ALOXE3: variants seen among roughly 807,000 people sequenced by gnomAD.
The protein encoded by ALOXE3 is hydroperoxide isomerase ALOXE3.
In ALOXE3, 78 loss-of-function variants were observed where a neutral mutation model predicts 87.5. The ratio of observed to expected loss-of-function variants is 0.89; its 90% CI spans 0.74 to 1.08. The LOEUF is 1.08. Among genes scored for constraint, ALOXE3 ranks in the 50% least tolerant of loss-of-function variants. The pLI is 0.00. For synonymous variants in ALOXE3, 363 were observed against 370.8 expected (o/e 0.98, Z 0.24); for missense variants, 946 against 912.4 (o/e 1.04, Z -0.47).
chr17:8,106,208 T>C (rs1322652676), intron 13 of ALOXE3, among the ~76,000 whole-genome samples: 3 of 151,700 alleles, frequency 2.0e-5, no homozygotes, highest in Admixed American at 1.3e-4. Flanking sequence ...CCTAACTGGA[T>C]TTAGGAAGAC....
chr17:8,107,954 A>AAAGAAAGG lies in ALOXE3; in HGVS notation c.1684+506_1684+513dup. 4.6e-4 allele frequency among the ~76,000 whole-genome samples: 2 copies of AAAGAAAGG among 4,306 alleles called. 1 individual carries two copies. The highest frequency in any genetic ancestry group is 1.2e-3 in the Non-Finnish European group (2 of 1,628). The allele number at this position is 4,306 out of a possible 152,430, so 2.8% of individuals were successfully genotyped here. A position where few individuals can be genotyped will look rare whatever the true frequency, so the allele number is the denominator to read the frequency against. On this transcript the variant is annotated intron_variant, in intron 13 of 15. Coordinates refer to ENST00000448843, the MANE Select transcript of ALOXE3 (RefSeq NM_021628.3). ...GAAAGAAAGAAAGAAAGAAAGAAAG[A>AAAGAAAGG]AAGAAAGGAAGGAGAGAGAGAGAGA...
chr17:8,103,389 A>C lies in ALOXE3; in HGVS notation c.1890T>G (p.Pro630=). The change falls in exon 15 of 16, where the codon CCT becomes CCG. Residue 630 remains proline, a synonymous_variant. Coordinates refer to ENST00000448843, the MANE Select transcript of ALOXE3 (RefSeq NM_021628.3). ...TTLKTYLDTL[P]EVNISCNNLL... ...GGTTGTTACAGCTGATGTTCACTTC[A>C]GGGAGGGTGTCTAGGTAAGTCTTCA... The C allele has an allele frequency of 6.2e-7, 1 of 1,614,094 alleles. No homozygotes were observed. The highest frequency in any genetic ancestry group is 8.5e-7 in the Non-Finnish European group (1 of 1,179,986).
intron 13 of ALOXE3, among the ~76,000 whole-genome samples, chr17:8,106,652 C>T (rs1454364076): frequency 6.6e-6 from 1 of 152,108 alleles, no homozygotes; most frequent in African/African-American, 2.4e-5. Flanking sequence ...TGAAAGAAAC[C>T]CCATCTCTAC....
chr17:8,096,517 A>T lies in ALOXE3; in HGVS notation c.*110T>A, dbSNP rs190205482. 1.8e-4 allele frequency: 134 copies of T among 748,862 alleles called. 1 individual carries two copies. The East Asian group carries it at 2.7e-3, about 15-fold the overall frequency. The allele number at this position is 748,862 out of a possible 1,614,324, so 46.4% of individuals were successfully genotyped here. On this transcript the variant is annotated 3_prime_UTR_variant, in exon 16 of 16. Transcript: ENST00000448843. ...CAAAAGTCTCCATGTGCAGAAGAGAAGGTTCAGGTGAACTGAGAACAGGGA... is the reference window on the plus strand; with the variant it reads ...CAAAAGTCTCCATGTGCAGAAGAGATGGTTCAGGTGAACTGAGAACAGGGA...
In ALOXE3 at chr17:8,112,145, C is replaced by A. The variant is rs2151841705; in HGVS notation, c.732G>T (p.Lys244Asn). 1 of 1,614,204 alleles carries A rather than the reference C, an allele frequency of 6.2e-7. No homozygotes were observed. The highest frequency in any genetic ancestry group is 8.5e-7 in the Non-Finnish European group (1 of 1,180,042). Residue 244 changes from lysine to asparagine, a missense_variant, in exon 7 of 16, where the codon AAG (lysine) becomes AAT (asparagine). Lys to Asn is a moderately conservative substitution (Grantham distance 94). Transcript: ENST00000448843. ...RGLLDRKGSW[K>N]KLDDMQNIFW... ...AGATGTTCTGCATGTCATCCAGCTTCTTCCAGGAGCCCTTGCGATCCAACA... is the reference window on the plus strand; with the variant it reads ...AGATGTTCTGCATGTCATCCAGCTTATTCCAGGAGCCCTTGCGATCCAACA...
intron 15 of ALOXE3, among the ~76,000 whole-genome samples, chr17:8,098,234 GTTTTTTTTTT>G (rs71159546): frequency 1.1e-5 from 1 of 87,484 alleles, no homozygotes; most frequent in Admixed American, 1.6e-4. Flanking sequence ...TTTGGTTTTT[GTTTTTTTTTT>G]TTTTTTTTTT....
At position 8,103,580 on chromosome 17, in the gene ALOXE3, G is replaced by A. The variant is rs79796993; in HGVS notation, c.1786-87C>T. 139,328 of 1,402,108 alleles carry A rather than the reference G, an allele frequency of 0.099. 7,938 individuals are homozygous for A. The highest frequency in any genetic ancestry group is 0.12 in the Middle Eastern group (503 of 4,240). The allele number at this position is 1,402,108 out of a possible 1,614,324, so 86.9% of individuals were successfully genotyped here. A position where few individuals can be genotyped will look rare whatever the true frequency, so the allele number is the denominator to read the frequency against. ...CACCATCCCTGATTCCACCTCTGCCGTCCTAGAGGTGATAGTTGGGAAATG... is the reference window on the plus strand; with the variant it reads ...CACCATCCCTGATTCCACCTCTGCCATCCTAGAGGTGATAGTTGGGAAATG... On this transcript the variant is annotated intron_variant, in intron 14 of 15. Transcript: ENST00000448843.
intron 4 of ALOXE3, among the ~76,000 whole-genome samples, chr17:8,115,362 T>A (rs1980495584): frequency 6.6e-6 from 1 of 152,198 alleles, no homozygotes; most frequent in Non-Finnish European, 1.5e-5. Flanking sequence ...GATATTGGGA[T>A]CTGGGTTACA....
At position 8,098,228 on chromosome 17, in the gene ALOXE3, GTTTTTGTT is replaced by G. The variant is rs1278356808; in HGVS notation, c.1957-1430_1957-1423del. On this transcript the variant is annotated intron_variant, in intron 15 of 15. Transcript: ENST00000448843. ...CAGTGTTTTTTGAAATATACTTTTGGTTTTTGTTTTTTTTTTTTTTTTTTTTTTGAGAC... is the reference window on the plus strand; with the variant it reads ...CAGTGTTTTTTGAAATATACTTTTGGTTTTTTTTTTTTTTTTTTTTGAGAC... Among the ~76,000 whole-genome samples, 46 of 88,162 alleles carry G rather than the reference GTTTTTGTT, an allele frequency of 5.2e-4. No homozygotes were observed. In the South Asian group the frequency reaches 0.014, roughly 27 times the overall value. The allele number at this position is 88,162 out of a possible 152,430, so 57.8% of individuals were successfully genotyped here. A position where few individuals can be genotyped will look rare whatever the true frequency, so the allele number is the denominator to read the frequency against.
rs781196632 is a variant in ALOXE3 at position 8,114,965 on chromosome 17, G to A, written c.527C>T (p.Thr176Met). Residue 176 changes from threonine to methionine, a missense_variant, in exon 5 of 16, where the codon ACG (threonine) becomes ATG (methionine). Thr to Met is a moderately conservative substitution (Grantham distance 81). Coordinates refer to ENST00000448843, the MANE Select transcript of ALOXE3 (RefSeq NM_021628.3). Reference sequence around the variant, plus strand: ...GTCACCCTGGTCTACACAAGTTGTCGTCTTTGTCAAGGCAAATTTCTTGTC... The same window carrying A: ...GTCACCCTGGTCTACACAAGTTGTCATCTTTGTCAAGGCAAATTTCTTGTC... ...ESDKKFALTKTTTCVDQGDSS... is the reference protein window; with the variant it reads ...ESDKKFALTKMTTCVDQGDSS... 67 of 1,613,864 alleles carry A rather than the reference G, an allele frequency of 4.2e-5. No individual in the cohort carries two copies. The highest frequency in any genetic ancestry group is 1.6e-4 in the East Asian group (7 of 44,884).
rs748575596 is a variant in ALOXE3, at chr17:8,115,016, A to G, written c.476T>C (p.Val159Ala). The change falls in exon 5 of 16, where the codon GTC becomes GCC. Residue 159 changes from valine to alanine, a missense_variant. Val to Ala is a moderately conservative substitution (Grantham distance 64). Transcript: ENST00000448843. ...YAPGFPCMVD[V>A]NSFQEMESDK... ...TGACTCCATCTCCTGAAAGCTGTTG[A>G]CGTCTACCATGCAGGGGAAGCCAGG... 5 of 1,614,092 alleles carry G rather than the reference A, an allele frequency of 3.1e-6. No homozygotes were observed. Among genetic ancestry groups the G allele is most frequent in the Non-Finnish European group, 4.2e-6 (5 of 1,180,004 alleles).
At chr17:8,112,685 G>T (rs943780141) in intron 6 of ALOXE3, among the ~76,000 whole-genome samples, 2 of 152,210 alleles carry the variant, frequency 1.3e-5, no homozygotes, top group African/African-American at 4.8e-5. Context: ...GACATGCTTT[G>T]TACACTGGAA....
rs750606878 is a variant in ALOXE3 at position 8,103,356 on chromosome 17, G to A, written c.1923C>T (p.Leu641=). The part of the protein sequence containing the change: ...EVNISCNNLL[L]FWLVSQEPKD... ...TGGGTTCTTGGCTAACCAACCAGAA[G>A]AGGAGGAGGTTGTTACAGCTGATGT... The change falls in exon 15 of 16, where the codon CTC becomes CTT. Residue 641 remains leucine (L), a synonymous_variant. Transcript: ENST00000448843. 6.2e-7 allele frequency: 1 copy of A among 1,614,076 alleles called. No individual in the cohort carries two copies. Among genetic ancestry groups the A allele is most frequent in the Non-Finnish European group, 8.5e-7 (1 of 1,179,974 alleles).
In ALOXE3 at chr17:8,110,240, C is replaced by T; in HGVS notation, c.1157G>A (p.Trp386Ter). ...CCACGTCTTGGCCAGCAGCCAGTCC[C>T]ATTCGGAGTCAGTGGGCAGGAAGAT... Reference protein sequence around the residue: ...SPIFLPTDSEWDWLLAKTWVR... With the variant: ...SPIFLPTDSE Residue 386 changes from tryptophan (W) to a stop codon, truncating the protein, a stop_gained, in exon 10 of 16, where the codon TGG (tryptophan) becomes TAG (stop). Coordinates refer to ENST00000448843, the MANE Select transcript of ALOXE3 (RefSeq NM_021628.3). LOFTEE classifies it high-confidence loss of function. The T allele has an allele frequency of 6.2e-7, 1 of 1,614,076 alleles. No homozygotes were observed. The highest frequency in any genetic ancestry group is 8.5e-7 in the Non-Finnish European group (1 of 1,179,924).
chr17:8,109,968 A>G lies in ALOXE3; in HGVS notation c.1340T>C (p.Val447Ala), dbSNP rs1979890192. 1 of 1,551,570 alleles carries G rather than the reference A, an allele frequency of 6.4e-7. No homozygotes were observed. The highest frequency in any genetic ancestry group is 8.7e-7 in the Non-Finnish European group (1 of 1,147,130). ...LLPHTRYTLQ[V>A]NTIARATLLN... Reference sequence around the variant, plus strand: ...CAGCGTGGCCCTCGCGATGGTGTTCACCTGCAGCGTGTATCGAGTGTGGGG... The same window carrying G: ...CAGCGTGGCCCTCGCGATGGTGTTCGCCTGCAGCGTGTATCGAGTGTGGGG... Residue 447 changes from valine to alanine, a missense_variant, in exon 11 of 16, where the codon GTG (valine) becomes GCG (alanine). Coordinates refer to ENST00000448843, the MANE Select transcript of ALOXE3 (RefSeq NM_021628.3).
rs912332038 is a variant in ALOXE3 at position 8,118,259 on chromosome 17, C to T, written c.-269G>A. 1.2e-5 allele frequency: 18 copies of T among 1,551,580 alleles called. No homozygotes were observed. The Admixed American group carries it at 2.7e-4, about 24-fold the overall frequency. On this transcript the variant is annotated 5_prime_UTR_variant, in exon 2 of 16. Transcript: ENST00000448843. Reference sequence around the variant, plus strand: ...TTGCTTGCCTCTGACACAGCCGGTCCCTCTGGCTGGCTCACCCAGATGGAT... The same window carrying T: ...TTGCTTGCCTCTGACACAGCCGGTCTCTCTGGCTGGCTCACCCAGATGGAT...
At position 8,108,005 on chromosome 17, in the gene ALOXE3, AAGAAAGAAAGAAAG is replaced by A. The variant is rs1221294715; in HGVS notation, c.1684+449_1684+462del. On this transcript the variant is annotated intron_variant, in intron 13 of 15. Coordinates refer to ENST00000448843, the MANE Select transcript of ALOXE3 (RefSeq NM_021628.3). Reference sequence around the variant, plus strand: ...GAGAAAGAAAGAAAGGAAGGAAAGAAAGAAAGAAAGAAAGAAAGAAAGAAAGAAAGAAAGAAAGA... The same window carrying A: ...GAGAAAGAAAGAAAGGAAGGAAAGAAAAAGAAAGAAAGAAAGAAAGAAAGA... Among the ~76,000 whole-genome samples the A allele has an allele frequency of 6.8e-5, 3 of 44,270 alleles. 1 individual carries two copies. The highest frequency in any genetic ancestry group is 2.1e-4 in the African/African-American group (3 of 14,216). The allele number at this position is 44,270 out of a possible 152,430, so 29.0% of individuals were successfully genotyped here. A position where few individuals can be genotyped will look rare whatever the true frequency, so the allele number is the denominator to read the frequency against.
chr17:8,109,903 A>C lies in ALOXE3; in HGVS notation c.1392+13T>G, dbSNP rs2151838928. 2 of 1,548,064 alleles carry C rather than the reference A, an allele frequency of 1.3e-6. No homozygotes were observed. The highest frequency in any genetic ancestry group is 3.4e-4 in the Middle Eastern group (2 of 5,926). On this transcript the variant is annotated intron_variant, in intron 11 of 15. Transcript: ENST00000448843. ...CGGGGGCGGAGATCAGTGACCCGGCAGGGAGGCCGCACCTGGTCCACGAGG... is the reference window on the plus strand; with the variant it reads ...CGGGGGCGGAGATCAGTGACCCGGCCGGGAGGCCGCACCTGGTCCACGAGG...
In ALOXE3 at chr17:8,112,194, G is replaced by A. The variant is rs1980155798; in HGVS notation, c.683C>T (p.Ser228Phe). ...CAGCCCTCGAAGCTTCATTCCCAAG[G>A]ACCTGATGGGAGAGGAAAAGATGAG... Reference protein sequence around the residue: ...ISLLFNAIPASLGMKLRGLLD... With the variant: ...ISLLFNAIPAFLGMKLRGLLD... Residue 228 changes from serine (S) to phenylalanine (F), a missense_variant and splice_region_variant, in exon 7 of 16, where the codon TCC becomes TTC. By Grantham distance (155) the Ser-to-Phe change is radical. Transcript: ENST00000448843. 1 of 1,612,624 alleles carries A rather than the reference G, an allele frequency of 6.2e-7. No individual in the cohort carries two copies.
Sources: allele counts gnomAD v4.1 joint callset (sites outside exome capture counted in the v4.1 genomes callset), GRCh38; gene constraint gnomAD v4.1.1; transcripts MANE v1.5; gene names NCBI Gene and HGNC (gene_info 2026-07-23, HGNC 2026-07-21).